The following SDK1 variants were observed in gnomAD, a reference collection of about 807,000 sequenced individuals.
SDK1 encodes protein sidekick-1.
SDK1 carries 157 observed loss-of-function variants against 245.5 expected under a neutral mutation model. The observed-to-expected ratio is 0.64, with a 90% CI of 0.56 to 0.73. The LOEUF (loss-of-function observed/expected upper bound fraction) is 0.73, where lower values mean the gene tolerates loss of function less well. Among genes scored for constraint, SDK1 ranks in the 30% least tolerant of loss-of-function variants. The probability of loss-of-function intolerance (pLI) is 0.00; values close to 1 mark genes in which losing one functional copy is unlikely to be tolerated. For missense variants in SDK1, 3,583 were observed against 3,002.3 expected (o/e 1.19, Z -4.52); for synonymous variants, 1,647 against 1,278.5 (o/e 1.29, Z -6.15).
chr7:3,302,354 C>G (rs1307331694), intron 1 of SDK1: 1 of 152,136 alleles, frequency 6.6e-6, no homozygotes, highest in Non-Finnish European at 1.5e-5. Context: ...CTCTCCCCAG[C>G]CCCCGCCTGC....
chr7:3,937,015 G>T (rs1780186415), intron 5 of SDK1, among the ~76,000 whole-genome samples: 1 of 152,204 alleles, frequency 6.6e-6, no homozygotes, highest in Admixed American at 6.5e-5. Flanking sequence ...AGCCCTGGCT[G>T]CCTGGCCATG....
At chr7:3,807,686 G>A (rs1459555675) in intron 4 of SDK1, among the ~76,000 whole-genome samples, 1 of 152,160 alleles carries the variant, frequency 6.6e-6, no homozygotes, top group Non-Finnish European at 1.5e-5. Flanking sequence ...GTCTCACTGG[G>A]TCTGGGGCCA....
At chr7:3,400,355 T>C (rs1778856475) in intron 1 of SDK1, among the ~76,000 whole-genome samples, 1 of 152,156 alleles carries the variant, frequency 6.6e-6, no homozygotes, top group African/African-American at 2.4e-5. Flanking sequence ...GTGGCAGCAT[T>C]TTCATTGTTT....
At chr7:3,864,067 A>G (rs1227515383) in intron 5 of SDK1, among the ~76,000 whole-genome samples, 1 of 151,914 alleles carries the variant, frequency 6.6e-6, no homozygotes, top group Non-Finnish European at 1.5e-5. Context: ...ACAGGTTCCA[A>G]TTTTTTCATA....
At chr7:3,436,071 A>T (rs1217110324) in intron 1 of SDK1, among the ~76,000 whole-genome samples, 3 of 152,216 alleles carry the variant, frequency 2.0e-5, no homozygotes, top group African/African-American at 7.2e-5. Context: ...TAAATCCATG[A>T]TTGTTCAAAA....
intron 4 of SDK1, among the ~76,000 whole-genome samples, chr7:3,654,652 C>T (rs915785684): frequency 6.6e-6 from 1 of 152,118 alleles, no homozygotes; most frequent in Admixed American, 6.6e-5. Flanking sequence ...TGACACTGTC[C>T]CTGCTGCTTC....
At chr7:3,539,359 C>T (rs968789012) in intron 1 of SDK1, among the ~76,000 whole-genome samples, 2 of 152,060 alleles carry the variant, frequency 1.3e-5, no homozygotes, top group Admixed American at 6.5e-5. Context: ...GGTAGATAGA[C>T]AGAGCTTAAA....
chr7:3,809,174 G>A (rs944130429), intron 4 of SDK1, among the ~76,000 whole-genome samples: 6 of 152,112 alleles, frequency 3.9e-5, no homozygotes, highest in African/African-American at 7.2e-5. Context: ...GGGAGGAGGC[G>A]CGCTACATGG....
intron 13 of SDK1, among the ~76,000 whole-genome samples, chr7:3,977,597 T>G (rs1339702355): frequency 6.6e-6 from 1 of 152,240 alleles, no homozygotes; most frequent in Non-Finnish European, 1.5e-5. Context: ...GGAGGTCTCC[T>G]GATCATGCAC....
chr7:3,490,965 T>C (rs1223754731), intron 1 of SDK1, among the ~76,000 whole-genome samples: 5 of 152,234 alleles, frequency 3.3e-5, no homozygotes, highest in Non-Finnish European at 5.9e-5. Flanking sequence ...TCATCCCAAT[T>C]GCAATGGTGA....
At chr7:3,436,579 T>A (rs990157644) in intron 1 of SDK1, among the ~76,000 whole-genome samples, 1 of 152,106 alleles carries the variant, frequency 6.6e-6, no homozygotes, top group African/African-American at 2.4e-5. Context: ...AATGAAAAAT[T>A]TTAAATAGAA....
intron 1 of SDK1, among the ~76,000 whole-genome samples, chr7:3,532,802 G>A (rs551483527): frequency 2.0e-5 from 3 of 152,218 alleles, no homozygotes; most frequent in South Asian, 4.2e-4. Context: ...AGCCTATGCA[G>A]CCTCTAGCAT....
At chr7:3,997,340 G>A (rs1784757676) in intron 14 of SDK1, among the ~76,000 whole-genome samples, 3 of 152,186 alleles carry the variant, frequency 2.0e-5, no homozygotes, top group Admixed American at 6.5e-5. Context: ...GTGGGTGGCT[G>A]CTCTCTGTAG....
intron 1 of SDK1, among the ~76,000 whole-genome samples, chr7:3,614,069 C>T (rs767098658): frequency 2.0e-4 from 31 of 152,082 alleles, no homozygotes; most frequent in Admixed American, 5.2e-4. Flanking sequence ...CAACAAACCC[C>T]CATAGCACAA....
At chr7:3,792,758 C>T (rs1403456171) in intron 4 of SDK1, among the ~76,000 whole-genome samples, 1 of 151,952 alleles carries the variant, frequency 6.6e-6, no homozygotes, top group Admixed American at 6.6e-5. Flanking sequence ...TACCCCCTCC[C>T]CCTCCAGTCT....
chr7:3,545,767 T>G (rs1348167942), intron 1 of SDK1, among the ~76,000 whole-genome samples: 1 of 152,244 alleles, frequency 6.6e-6, no homozygotes, highest in Non-Finnish European at 1.5e-5. Context: ...TTCTGGCCGC[T>G]GTTCTGTTAA....
intron 16 of SDK1, among the ~76,000 whole-genome samples, chr7:4,015,769 C>T (rs184975600): frequency 6.6e-6 from 1 of 152,216 alleles, no homozygotes; most frequent in Non-Finnish European, 1.5e-5. Flanking sequence ...CCAGAGGCCA[C>T]TTGCTCCTTT....
In SDK1 at chr7:3,458,101, A is replaced by G. The variant is rs549792963; in HGVS notation, c.298+156217A>G. On this transcript the variant is annotated intron_variant, in intron 1 of 44. Coordinates refer to ENST00000404826, the MANE Select transcript of SDK1 (RefSeq NM_152744.4). The stretch of plus-strand genomic sequence containing the variant: ...TGTGTGTGTGTTTTTCCCTGTTGGA[A>G]TACTCTTACTTGTCTTTTTCTTTGA... 5.3e-5 allele frequency among the ~76,000 whole-genome samples: 8 copies of G among 151,698 alleles called. No individual in the cohort carries two copies. The South Asian group carries it at 1.0e-3, about 20-fold the overall frequency.
chr7:3,795,655 C>T (rs1778944523), intron 4 of SDK1, among the ~76,000 whole-genome samples: 1 of 151,968 alleles, frequency 6.6e-6, no homozygotes, highest in Non-Finnish European at 1.5e-5. Context: ...TGAAAAGTGA[C>T]ACTGATGTAT....
Sources: gnomAD v4.1 joint callset for allele counts (sites outside exome capture counted in the v4.1 genomes callset) on GRCh38, gnomAD v4.1.1 for gene constraint, MANE v1.5 for transcripts, NCBI Gene and HGNC (gene_info 2026-07-23, HGNC 2026-07-21) for gene names.